PMFBP1: variants seen among roughly 807,000 people sequenced by gnomAD.
The protein encoded by PMFBP1 is polyamine-modulated factor 1-binding protein 1.
In PMFBP1, 131 loss-of-function variants were observed where a neutral mutation model predicts 137.8. The ratio of observed to expected loss-of-function variants is 0.95; its 90% CI spans 0.82 to 1.10. The LOEUF (loss-of-function observed/expected upper bound fraction) is 1.10, where lower values mean the gene tolerates loss of function less well. PMFBP1 is among the 50% of genes least tolerant of loss of function. The pLI is 0.00. For missense variants in PMFBP1, 1,199 were observed against 1,175.4 expected, an observed-to-expected ratio of 1.02 and a Z score of -0.29; for synonymous variants, 490 against 450.4, an observed-to-expected ratio of 1.09 and a Z score of -1.11.
At chr16:72,138,796 A>C (rs2042671422) in intron 7 of PMFBP1, among the ~76,000 whole-genome samples, 1 of 152,090 alleles carries the variant, frequency 6.6e-6, no homozygotes, top group African/African-American at 2.4e-5. Context: ...GGTTACTGGC[A>C]TGAGCCACCA....
chr16:72,130,487 A>C, intron 11 of PMFBP1, 46 bp downstream of exon 11: 1 of 1,611,280 alleles, frequency 6.2e-7, no homozygotes, highest in Non-Finnish European at 8.5e-7. Context: ...CGGCTGGGTC[A>C]AGAGTGACAG....
At chr16:72,151,826 C>A (rs1245070359) in intron 4 of PMFBP1, among the ~76,000 whole-genome samples, 2 of 152,148 alleles carry the variant, frequency 1.3e-5, no homozygotes, top group African/African-American at 4.8e-5. Flanking sequence ...TAACCCCATT[C>A]CCACTGCAAG....
chr16:72,237,990 T>A, the PMFBP1 span, among the ~76,000 whole-genome samples: 2 of 152,254 alleles, frequency 1.3e-5, no homozygotes, highest in Non-Finnish European at 2.9e-5. Flanking sequence ...TTCTTTTTTA[T>A]GGCTGCATAG....
the PMFBP1 span, among the ~76,000 whole-genome samples, chr16:72,208,119 A>C: frequency 6.6e-6 from 1 of 152,184 alleles, no homozygotes; most frequent in African/African-American, 2.4e-5. Context: ...CAGTCCACCA[A>C]TTCAAATGTT....
chr16:72,236,189 T>C, the PMFBP1 span, among the ~76,000 whole-genome samples: 11 of 152,188 alleles, frequency 7.2e-5, no homozygotes, highest in Non-Finnish European at 1.2e-4. Context: ...GTTGACTGTT[T>C]TTATCATGAA....
At chr16:72,207,290 A>G in the PMFBP1 span, among the ~76,000 whole-genome samples, 1 of 152,200 alleles carries the variant, frequency 6.6e-6, no homozygotes, top group African/African-American at 2.4e-5. Flanking sequence ...GGCCTCAGAA[A>G]TGAAAGGAAA....
chr16:72,145,083 T>C (rs971976575), intron 5 of PMFBP1, among the ~76,000 whole-genome samples: 11 of 152,214 alleles, frequency 7.2e-5, no homozygotes, highest in African/African-American at 2.7e-4. Flanking sequence ...TATACATTCT[T>C]CTCAGCACCA....
At chr16:72,177,850 T>C (rs1353403762), upstream of PMFBP1, among the ~76,000 whole-genome samples, 1 of 152,162 alleles carries the variant, frequency 6.6e-6, no homozygotes, top group Non-Finnish European at 1.5e-5. Flanking sequence ...TAAACAGTAC[T>C]GGAAAGTTAA....
At chr16:72,201,839 G>C in the PMFBP1 span, among the ~76,000 whole-genome samples, 1 of 152,080 alleles carries the variant, frequency 6.6e-6, no homozygotes, top group Non-Finnish European at 1.5e-5. Flanking sequence ...GAAAAGATCA[G>C]ATATATTGAA....
At chr16:72,156,222 T>C (rs1321019963) in intron 3 of PMFBP1, among the ~76,000 whole-genome samples, 1 of 152,046 alleles carries the variant, frequency 6.6e-6, no homozygotes, top group Non-Finnish European at 1.5e-5. Context: ...CCTAAGCTCA[T>C]GCGATCTGCC....
At chr16:72,206,720 C>A in the PMFBP1 span, among the ~76,000 whole-genome samples, 1 of 152,132 alleles carries the variant, frequency 6.6e-6, no homozygotes, top group Non-Finnish European at 1.5e-5. Context: ...CATCGCTTCC[C>A]GGCGCACTGC....
downstream of PMFBP1, among the ~76,000 whole-genome samples, chr16:72,118,732 G>C (rs1415652007): frequency 2.0e-5 from 3 of 148,962 alleles, no homozygotes; most frequent in Non-Finnish European, 4.4e-5. Flanking sequence ...ATTGTTAGAA[G>C]GAGGAATGGA....
chr16:72,134,096 C>T (rs996019088), intron 9 of PMFBP1, among the ~76,000 whole-genome samples: 1 of 152,144 alleles, frequency 6.6e-6, no homozygotes, highest in African/African-American at 2.4e-5. Context: ...CATTTGGTCT[C>T]TCAAGTCGCC....
intron 3 of PMFBP1, among the ~76,000 whole-genome samples, chr16:72,159,098 T>A (rs2043024388): frequency 6.6e-6 from 1 of 152,140 alleles, no homozygotes; most frequent in African/African-American, 2.4e-5. Flanking sequence ...CTAACCATGG[T>A]CTCCTTCATT....
chr16:72,248,644 A>T, the PMFBP1 span, among the ~76,000 whole-genome samples: 4 of 152,216 alleles, frequency 2.6e-5, no homozygotes, highest in Non-Finnish European at 4.4e-5. Context: ...CCATTTCAGC[A>T]TATCCCAACC....
At chr16:72,249,557 G>C in the PMFBP1 span, among the ~76,000 whole-genome samples, 712 of 151,884 alleles carry the variant, frequency 4.7e-3, 3 homozygotes, top group Middle Eastern at 0.031. Flanking sequence ...CTGTATGTCA[G>C]GCACTTTACA....
chr16:72,169,485 A>G (rs2043190670), intron 2 of PMFBP1, among the ~76,000 whole-genome samples: 1 of 152,202 alleles, frequency 6.6e-6, no homozygotes, highest in African/African-American at 2.4e-5. Flanking sequence ...TTGCCTGTGA[A>G]CAAAAATTTA....
At chr16:72,186,641 G>A in the PMFBP1 span, among the ~76,000 whole-genome samples, 1 of 152,182 alleles carries the variant, frequency 6.6e-6, no homozygotes, top group Non-Finnish European at 1.5e-5. Flanking sequence ...GAGAGAGGAA[G>A]CAGAGCAGAA....
intron 4 of PMFBP1, among the ~76,000 whole-genome samples, chr16:72,151,311 C>G (rs2042900011): frequency 6.6e-6 from 1 of 152,136 alleles, no homozygotes; most frequent in South Asian, 2.1e-4. Flanking sequence ...TTGCACAATC[C>G]TTGTTTAGAT....
Sources: gnomAD v4.1 joint callset for allele counts (sites outside exome capture counted in the v4.1 genomes callset) on GRCh38, gnomAD v4.1.1 for gene constraint, MANE v1.5 for transcripts, NCBI Gene and HGNC (gene_info 2026-07-23, HGNC 2026-07-21) for gene names.